The following SLC35F1 variants were observed in gnomAD, a reference collection of about 807,000 sequenced individuals.
SLC35F1 encodes the protein chromosome 6 open reading frame 169.
Under a neutral mutation model 48.7 loss-of-function variants are expected in SLC35F1, and 14 were observed. That is an observed-to-expected ratio of 0.29 (90% confidence interval 0.19 to 0.45). SLC35F1 has a LOEUF of 0.45. SLC35F1 is among the 20% of genes least tolerant of loss of function. The pLI, the probability that SLC35F1 is intolerant of heterozygous loss-of-function variation, is 1.00. For synonymous variants in SLC35F1, 190 were observed against 202.2 expected (o/e 0.94, Z 0.51); for missense variants, 404 against 500.0 (o/e 0.81, Z 1.83).
At chr6:118,088,159 C>A (rs1773018856) in intron 1 of SLC35F1, among the ~76,000 whole-genome samples, 1 of 152,122 alleles carries the variant, frequency 6.6e-6, no homozygotes, top group Admixed American at 6.5e-5. Flanking sequence ...AACTGCGTAT[C>A]TTTTTATATA....
At chr6:118,308,959 T>G (rs1021604188) in intron 7 of SLC35F1, among the ~76,000 whole-genome samples, 1 of 152,090 alleles carries the variant, frequency 6.6e-6, no homozygotes, top group African/African-American at 2.4e-5. Flanking sequence ...TGTGAAATAT[T>G]TGGTGTTTGC....
At chr6:118,313,963 G>A (rs1035900627) in intron 7 of SLC35F1, 65 bp from the exon 8 acceptor site, 11 of 1,449,892 alleles carry the variant, frequency 7.6e-6, no homozygotes, top group Non-Finnish European at 9.7e-6. Flanking sequence ...GTTTCTGTGT[G>A]CCTCATTAAT....
chr6:118,243,543 G>A (rs1472739200), intron 3 of SLC35F1, among the ~76,000 whole-genome samples: 1 of 152,174 alleles, frequency 6.6e-6, no homozygotes, highest in African/African-American at 2.4e-5. Flanking sequence ...TTAACACTTA[G>A]AATACAATAC....
chr6:118,220,076 G>C (rs578152671), intron 2 of SLC35F1, among the ~76,000 whole-genome samples: 1 of 152,110 alleles, frequency 6.6e-6, no homozygotes, highest in South Asian at 2.1e-4. Flanking sequence ...TAAATGACGA[G>C]TAATGGGTGC....
At chr6:118,084,756 G>T (rs1772961104) in intron 1 of SLC35F1, among the ~76,000 whole-genome samples, 1 of 152,032 alleles carries the variant, frequency 6.6e-6, no homozygotes, top group African/African-American at 2.4e-5. Flanking sequence ...GCAGGGGTCG[G>T]AGGTGGACAG....
intron 3 of SLC35F1, among the ~76,000 whole-genome samples, chr6:118,252,711 G>A (rs906407724): frequency 6.6e-6 from 1 of 152,174 alleles, no homozygotes; most frequent in African/African-American, 2.4e-5. Flanking sequence ...ATAGAAAAGA[G>A]AAGAAAATGA....
At chr6:118,221,388 A>G (rs1182322732) in intron 2 of SLC35F1, among the ~76,000 whole-genome samples, 1 of 152,194 alleles carries the variant, frequency 6.6e-6, no homozygotes, top group Non-Finnish European at 1.5e-5. Flanking sequence ...TGAGCTTGTC[A>G]AAACCTCTGC....
chr6:118,083,878 T>G (rs1269489521), intron 1 of SLC35F1, among the ~76,000 whole-genome samples: 2 of 152,228 alleles, frequency 1.3e-5, no homozygotes, highest in African/African-American at 4.8e-5. Context: ...TTGTCATGAT[T>G]TCACCATTTA....
At chr6:118,291,246 C>T (rs933791077) in intron 7 of SLC35F1, among the ~76,000 whole-genome samples, 15 of 16,578 alleles carry the variant, frequency 9.0e-4, no homozygotes, top group African/African-American at 6.1e-3. Context: ...CATGTATACA[C>T]ACACACACAC....
chr6:118,073,263 G>A (rs1772766347), intron 1 of SLC35F1, among the ~76,000 whole-genome samples: 1 of 152,200 alleles, frequency 6.6e-6, no homozygotes, highest in Non-Finnish European at 1.5e-5. Context: ...TAGCCGAATG[G>A]TTAAGAGTTC....
intron 4 of SLC35F1, among the ~76,000 whole-genome samples, chr6:118,274,404 A>G (rs1356436194): frequency 6.6e-6 from 1 of 152,030 alleles, no homozygotes; most frequent in Admixed American, 6.6e-5. Flanking sequence ...TTATTTATTT[A>G]TTTATTTATT....
At position 118,250,703 on chromosome 6, in the gene SLC35F1, G is replaced by A. The variant is rs117326090; in HGVS notation, c.477+15067G>A. ...AAATGAGTCATGGCAGCCAGGTGCA[G>A]TGGCTCACACCTGTAATCCCAGCAC... is the stretch of plus-strand genomic sequence containing the variant. On this transcript the variant is annotated intron_variant, in intron 3 of 7. Coordinates refer to ENST00000360388, the MANE Select transcript of SLC35F1 (RefSeq NM_001029858.4). Among the ~76,000 whole-genome samples, 27 of 152,318 alleles carry A rather than the reference G, an allele frequency of 1.8e-4. No individual in the cohort carries two copies. In the East Asian group the frequency reaches 4.6e-3, roughly 26 times the overall value.
chr6:118,085,242 C>T (rs1562285059), intron 1 of SLC35F1, among the ~76,000 whole-genome samples: 1 of 152,120 alleles, frequency 6.6e-6, no homozygotes, highest in Non-Finnish European at 1.5e-5. Flanking sequence ...TAGGAGTCTC[C>T]TCAACAAGGC....
chr6:118,107,690 T>C (rs1184428470), intron 1 of SLC35F1, among the ~76,000 whole-genome samples: 1 of 151,986 alleles, frequency 6.6e-6, no homozygotes, highest in Non-Finnish European at 1.5e-5. Flanking sequence ...TTTGAACTTG[T>C]GTGTAAGTTA....
intron 1 of SLC35F1, among the ~76,000 whole-genome samples, chr6:117,951,476 T>G (rs1448162805): frequency 6.6e-6 from 1 of 152,194 alleles, no homozygotes; most frequent in Admixed American, 6.5e-5. Context: ...TTTAGTTGTT[T>G]AGTAGAATTG....
chr6:118,024,352 G>T (rs1362205312), intron 1 of SLC35F1, among the ~76,000 whole-genome samples: 1 of 152,164 alleles, frequency 6.6e-6, no homozygotes, highest in African/African-American at 2.4e-5. Context: ...GTAAAGAAGA[G>T]AAGCTCATTA....
chr6:118,253,597 C>T (rs999392017), intron 3 of SLC35F1, among the ~76,000 whole-genome samples: 6 of 151,780 alleles, frequency 4.0e-5, no homozygotes, highest in African/African-American at 9.7e-5. Context: ...GAAACACCAA[C>T]GTTGAGAGGG....
chr6:117,976,041 C>T (rs1776701251), intron 1 of SLC35F1, among the ~76,000 whole-genome samples: 1 of 152,188 alleles, frequency 6.6e-6, no homozygotes, highest in African/African-American at 2.4e-5. Flanking sequence ...TATTGAATGT[C>T]AGGCACTTTC....
chr6:118,001,437 AC>A (rs1239757687), intron 1 of SLC35F1, among the ~76,000 whole-genome samples: 2 of 152,354 alleles, frequency 1.3e-5, no homozygotes, highest in Non-Finnish European at 2.9e-5. Context: ...TACACCTTAT[AC>A]AAAAAGTAAT....
Sources: allele counts gnomAD v4.1 joint callset (sites outside exome capture counted in the v4.1 genomes callset), GRCh38; gene constraint gnomAD v4.1.1; transcripts MANE v1.5; gene names NCBI Gene and HGNC (gene_info 2026-07-23, HGNC 2026-07-21).